ITPR1: variants seen among roughly 807,000 people sequenced by gnomAD.
The protein encoded by ITPR1 is inositol 1,4,5-trisphosphate-gated calcium channel ITPR1.
Under a neutral mutation model 318.4 loss-of-function variants are expected in ITPR1, and 96 were observed. The observed-to-expected ratio is 0.30, with a 90% CI of 0.26 to 0.36. ITPR1 has a LOEUF of 0.36. Among genes scored for constraint, ITPR1 ranks in the 10% least tolerant of loss-of-function variants. The probability of loss-of-function intolerance (pLI) is 1.00; values close to 1 mark genes in which losing one functional copy is unlikely to be tolerated. For missense variants in ITPR1, 2,440 were observed against 3,460.2 expected (o/e 0.71, Z 7.40); for synonymous variants, 1,312 against 1,289.9 (o/e 1.02, Z -0.37).
chr3:4,829,025 C>G (rs911599719), intron 60 of ITPR1, among the ~76,000 whole-genome samples: 1 of 152,228 alleles, frequency 6.6e-6, no homozygotes, highest in Non-Finnish European at 1.5e-5. Flanking sequence ...AGTGCTGACT[C>G]TATCCCAGCT....
chr3:4,509,366 C>T lies in ITPR1; in HGVS notation c.-16-7110C>T, dbSNP rs76060866. Among the ~76,000 whole-genome samples, 94 of 152,262 alleles carry T rather than the reference C, an allele frequency of 6.2e-4. No individual in the cohort carries two copies. In the East Asian group the frequency reaches 0.016, roughly 25 times the overall value. Reference sequence around the variant, plus strand: ...GGGGATAAAAGTTAGAGTATCTTTCCAGGGATAAAAGTTAGATATTTTGTT... The same window carrying T: ...GGGGATAAAAGTTAGAGTATCTTTCTAGGGATAAAAGTTAGATATTTTGTT... On this transcript the variant is annotated intron_variant, in intron 2 of 61. Transcript: ENST00000649015.
At chr3:4,743,761 C>A (rs563133999) in intron 44 of ITPR1, among the ~76,000 whole-genome samples, 20 of 152,294 alleles carry the variant, frequency 1.3e-4, no homozygotes, top group African/African-American at 1.9e-4. Flanking sequence ...AGGGGAAGAA[C>A]TTTGGAAGCA....
intron 44 of ITPR1, among the ~76,000 whole-genome samples, chr3:4,745,583 T>C (rs1293080283): frequency 6.6e-6 from 1 of 152,210 alleles, no homozygotes; most frequent in Non-Finnish European, 1.5e-5. Context: ...TTAAAACATC[T>C]GAAATGTTTT....
intron 43 of ITPR1, 70 bp from the exon 44 acceptor site, chr3:4,735,094 C>A: frequency 5.8e-6 from 7 of 1,203,930 alleles, no homozygotes; most frequent in South Asian, 1.4e-5. Context: ...AGTGTTGGTG[C>A]GTAGTAAGTA....
chr3:4,843,783 GCTAA>G (rs1399291559), intron 61 of ITPR1, among the ~76,000 whole-genome samples: 2 of 152,170 alleles, frequency 1.3e-5, no homozygotes, highest in African/African-American at 4.8e-5. Context: ...GAATAGGGCT[GCTAA>G]CTGAGGAGGC....
chr3:4,780,149 G>A (rs2046734295), intron 49 of ITPR1, among the ~76,000 whole-genome samples: 1 of 152,104 alleles, frequency 6.6e-6, no homozygotes, highest in Non-Finnish European at 1.5e-5. Flanking sequence ...CCCTAGTCCA[G>A]AGGGTTGCTT....
chr3:4,726,899 C>T (rs1028175997), intron 41 of ITPR1, among the ~76,000 whole-genome samples: 6 of 152,282 alleles, frequency 3.9e-5, no homozygotes, highest in Admixed American at 3.3e-4. Flanking sequence ...TATGTCTGCC[C>T]ATTTTGAACA....
At chr3:4,578,972 G>A (rs772345136) in intron 4 of ITPR1, among the ~76,000 whole-genome samples, 2 of 152,094 alleles carry the variant, frequency 1.3e-5, no homozygotes, top group Admixed American at 6.6e-5. Flanking sequence ...AAAATACTGA[G>A]TAGAACAAAA....
intron 44 of ITPR1, among the ~76,000 whole-genome samples, chr3:4,744,925 CTT>C (rs2043975807): frequency 7.3e-5 from 8 of 110,154 alleles, no homozygotes; most frequent in Non-Finnish European, 1.5e-4. Flanking sequence ...TCCTTCCTTC[CTT>C]CCTTCCTTCC....
In ITPR1 at chr3:4,700,950, G is replaced by A. The variant is rs150351778; in HGVS notation, c.4536+1009G>A. Among the ~76,000 whole-genome samples the A allele has an allele frequency of 3.2e-3, 481 of 152,190 alleles. 7 individuals are homozygous for A. The highest frequency in any genetic ancestry group is 0.011 in the African/African-American group (460 of 41,526). On this transcript the variant is annotated intron_variant, in intron 35 of 61. Transcript: ENST00000649015. ...TCATTCACTATCATGAGAACAGCAT[G>A]GGAAAGACCCACCCCACGATTCAGT...
At chr3:4,670,077 A>G (rs140823489) in intron 19 of ITPR1, among the ~76,000 whole-genome samples, 1 of 152,230 alleles carries the variant, frequency 6.6e-6, no homozygotes, top group Non-Finnish European at 1.5e-5. Context: ...GTGACCATCA[A>G]TTTAAAATTT....
At chr3:4,643,604 G>A (rs939808628) in intron 7 of ITPR1, among the ~76,000 whole-genome samples, 7 of 151,450 alleles carry the variant, frequency 4.6e-5, no homozygotes, top group Non-Finnish European at 1.5e-5. Flanking sequence ...TTTTTGGGGG[G>A]GGGGTAACTT....
chr3:4,534,004 G>A (rs1457661246), intron 4 of ITPR1, among the ~76,000 whole-genome samples: 2 of 152,156 alleles, frequency 1.3e-5, no homozygotes, highest in Non-Finnish European at 2.9e-5. Context: ...TGCCCCCAAC[G>A]TGCTCCTTGC....
chr3:4,572,209 T>A (rs2088083615), intron 4 of ITPR1, among the ~76,000 whole-genome samples: 1 of 152,328 alleles, frequency 6.6e-6, no homozygotes, highest in African/African-American at 2.4e-5. Context: ...CAGACTCACA[T>A]ATACTACATC....
At chr3:4,846,051 T>TA in intron 61 of ITPR1, 88 bp from the exon 62 acceptor site, 1 of 742,428 alleles carries the variant, frequency 1.3e-6, no homozygotes, top group Non-Finnish European at 2.2e-6. Context: ...GTATAAACCA[T>TA]AACCACAGAG....
chr3:4,598,858 A>C (rs1181873949), intron 4 of ITPR1, among the ~76,000 whole-genome samples: 2 of 151,878 alleles, frequency 1.3e-5, no homozygotes, highest in Non-Finnish European at 2.9e-5. Context: ...ATCTCACTTT[A>C]CTCTGAGAAC....
intron 6 of ITPR1, among the ~76,000 whole-genome samples, chr3:4,641,095 C>T (rs535306188): frequency 6.6e-6 from 1 of 152,158 alleles, no homozygotes; most frequent in Non-Finnish European, 1.5e-5. Context: ...GGAGGATAAT[C>T]GCAATTAGCA....
chr3:4,673,296 A>G lies in ITPR1; in HGVS notation c.2365A>G (p.Met789Val). 1 of 1,613,814 alleles carries G rather than the reference A, an allele frequency of 6.2e-7. No individual in the cohort carries two copies. Among genetic ancestry groups the G allele is most frequent in the South Asian group, 1.1e-5 (1 of 91,064 alleles). The change falls in exon 21 of 62, where the codon ATG (methionine) becomes GTG (valine). Residue 789 changes from methionine (M) to valine (V), a missense_variant. Transcript: ENST00000649015. ...RASFCRLMLH[M>V]HVDRDPQEQV... ...GTCCTTCTGCCGCCTCATGCTTCAC[A>G]TGCATGTGGACCGAGATCCCCAGGA...
chr3:4,789,098 A>G (rs997650040), intron 52 of ITPR1, among the ~76,000 whole-genome samples: 2 of 152,126 alleles, frequency 1.3e-5, no homozygotes, highest in Non-Finnish European at 2.9e-5. Context: ...GGTTCGCCCA[A>G]AGGTCCCATT....
Sources: allele counts gnomAD v4.1 joint callset (sites outside exome capture counted in the v4.1 genomes callset), GRCh38; gene constraint gnomAD v4.1.1; transcripts MANE v1.5; gene names NCBI Gene and HGNC (gene_info 2026-07-23, HGNC 2026-07-21).